SCHIP1: variants seen among roughly 807,000 people sequenced by gnomAD.
SCHIP1 encodes schwannomin interacting protein 1.
A neutral mutation model predicts 29.7 loss-of-function variants in SCHIP1; 8 were observed. The ratio of observed to expected loss-of-function variants is 0.27; its 90% CI spans 0.16 to 0.49. SCHIP1 has a LOEUF of 0.49. Among genes scored for constraint, SCHIP1 ranks in the 20% least tolerant of loss-of-function variants. The pLI is 0.99. For synonymous variants in SCHIP1, 76 were observed against 94.9 expected (o/e 0.80, Z 1.16); for missense variants, 193 against 294.6 (o/e 0.66, Z 2.52).
At chr3:159,759,093 T>C in the SCHIP1 span, among the ~76,000 whole-genome samples, 118 of 152,330 alleles carry the variant, frequency 7.7e-4, no homozygotes, top group Admixed American at 1.3e-3. Context: ...GAGGAAAATG[T>C]AGAAAACAAA....
At chr3:159,387,412 C>G in the SCHIP1 span, 3 of 334,366 alleles carry the variant, frequency 9.0e-6, no homozygotes, top group African/African-American at 4.3e-5. Context: ...AGCTTGGTGA[C>G]TGGGAGCCAC....
At chr3:159,584,186 C>A in the SCHIP1 span, among the ~76,000 whole-genome samples, 1 of 152,148 alleles carries the variant, frequency 6.6e-6, no homozygotes, top group African/African-American at 2.4e-5. Context: ...AGTCAAAAAA[C>A]CCTTTTGTTA....
chr3:159,738,345 G>A, the SCHIP1 span, among the ~76,000 whole-genome samples: 4 of 152,022 alleles, frequency 2.6e-5, 1 homozygote, highest in East Asian at 1.9e-4. Context: ...AAAGAGTTAT[G>A]TTAATTATAG....
the SCHIP1 span, among the ~76,000 whole-genome samples, chr3:159,326,164 A>C: frequency 0.025 from 3,740 of 152,248 alleles, 81 homozygotes; most frequent in East Asian, 0.11. Flanking sequence ...GATTAAATTA[A>C]AATCCACAGA....
chr3:159,471,167 A>C, the SCHIP1 span, among the ~76,000 whole-genome samples: 1 of 152,162 alleles, frequency 6.6e-6, no homozygotes, highest in Non-Finnish European at 1.5e-5. Flanking sequence ...GAACCATTAA[A>C]AGTCCATCCT....
the SCHIP1 span, among the ~76,000 whole-genome samples, chr3:159,599,636 C>T: frequency 1.3e-5 from 2 of 152,064 alleles, no homozygotes; most frequent in Non-Finnish European, 2.9e-5. Flanking sequence ...ACCATATTTT[C>T]TTTTTCCACT....
the SCHIP1 span, among the ~76,000 whole-genome samples, chr3:159,772,390 C>T: frequency 2.6e-5 from 4 of 152,246 alleles, no homozygotes; most frequent in South Asian, 8.3e-4. Context: ...GTGATCCACC[C>T]GCCTTGGCCT....
the SCHIP1 span, chr3:159,764,777 G>T: frequency 6.4e-7 from 1 of 1,564,898 alleles, no homozygotes; most frequent in Admixed American, 1.9e-5. This position sits in a 1 kb window ranked among gnomAD's most constrained non-coding sequence, Gnocchi z 6.1. Context: ...CGCAGCGGCG[G>T]CGGCGGGGGC....
chr3:159,346,841 C>G, the SCHIP1 span, among the ~76,000 whole-genome samples: 11 of 152,122 alleles, frequency 7.2e-5, no homozygotes, highest in Non-Finnish European at 1.5e-4. Context: ...AGGAAATAGA[C>G]TAGTGTTTCC....
the SCHIP1 span, among the ~76,000 whole-genome samples, chr3:159,734,332 G>A: frequency 6.6e-6 from 1 of 151,052 alleles, no homozygotes; most frequent in African/African-American, 2.4e-5. Flanking sequence ...TAGTAGAGAC[G>A]GGGTTTTACC....
upstream of SCHIP1, among the ~76,000 whole-genome samples, chr3:159,836,031 C>G (rs1743636559): frequency 6.6e-6 from 1 of 152,204 alleles, no homozygotes; most frequent in Admixed American, 6.5e-5. Context: ...ACCCACGCTG[C>G]AGCTTCACTC....
intron 1 of SCHIP1, among the ~76,000 whole-genome samples, chr3:159,859,571 T>C (rs1713794693): frequency 6.6e-6 from 1 of 152,186 alleles, no homozygotes; most frequent in African/African-American, 2.4e-5. Context: ...ATGCCAGATA[T>C]CACTAGGCAA....
chr3:159,724,244 T>C, the SCHIP1 span, among the ~76,000 whole-genome samples: 2 of 152,232 alleles, frequency 1.3e-5, no homozygotes, highest in Non-Finnish European at 2.9e-5. Context: ...TTCTCATTGA[T>C]TTAAAATAAC....
chr3:159,497,984 C>T, the SCHIP1 span, among the ~76,000 whole-genome samples: 1 of 152,138 alleles, frequency 6.6e-6, no homozygotes, highest in African/African-American at 2.4e-5. Context: ...AGGGCAGAAA[C>T]TTATTTGAAT....
the SCHIP1 span, among the ~76,000 whole-genome samples, chr3:159,615,193 C>T: frequency 1.3e-5 from 2 of 152,148 alleles, no homozygotes; most frequent in Non-Finnish European, 2.9e-5. Context: ...CCACAGGTCC[C>T]GTTCAGGGTT....
chr3:159,554,007 TGTGTGTG>T, the SCHIP1 span, among the ~76,000 whole-genome samples: 15 of 127,798 alleles, frequency 1.2e-4, no homozygotes, highest in African/African-American at 5.5e-4. Context: ...TGTGTGTGTG[TGTGTGTG>T]TGTGTTTGTG....
At chr3:159,408,096 A>T in the SCHIP1 span, among the ~76,000 whole-genome samples, 16 of 152,240 alleles carry the variant, frequency 1.1e-4, no homozygotes, top group East Asian at 2.9e-3. Flanking sequence ...CAGGAGATCG[A>T]GACCATCCTG....
At chr3:159,820,474 T>A in the SCHIP1 span, among the ~76,000 whole-genome samples, 4 of 152,152 alleles carry the variant, frequency 2.6e-5, no homozygotes, top group African/African-American at 9.7e-5. Flanking sequence ...GAAAAATATA[T>A]ATGTATGTAT....
At chr3:159,880,883 CA>C (rs1271949254) in intron 2 of SCHIP1, among the ~76,000 whole-genome samples, 1 of 152,104 alleles carries the variant, frequency 6.6e-6, no homozygotes, top group Non-Finnish European at 1.5e-5. Context: ...ATTGTATTTT[CA>C]TAACAAATAT....
Sources: gnomAD v4.1 joint callset for allele counts (sites outside exome capture counted in the v4.1 genomes callset) on GRCh38, gnomAD v4.1.1 for gene constraint, Gnocchi (gnomAD v3.1) non-coding constraint, MANE v1.5 for transcripts, NCBI Gene and HGNC (gene_info 2026-07-23, HGNC 2026-07-21) for gene names.